The following SASH1 variants were observed in gnomAD, a reference collection of about 807,000 sequenced individuals.
SASH1 encodes the protein SAM and SH3 domain containing 1.
SASH1 carries 44 observed loss-of-function variants against 125.2 expected under a neutral mutation model. That is an observed-to-expected ratio of 0.35 (90% CI 0.28 to 0.45). SASH1 has a LOEUF of 0.45. Among genes scored for constraint, SASH1 ranks in the 20% least tolerant of loss-of-function variants. The pLI is 1.00. For missense variants in SASH1, 1,426 were observed against 1,614.5 expected (o/e 0.88, Z 2.00); for synonymous variants, 639 against 649.1 (o/e 0.98, Z 0.24).
chr6:148,331,967 T>A (rs1283822702), intron 1 of SASH1, among the ~76,000 whole-genome samples: 1 of 152,118 alleles, frequency 6.6e-6, no homozygotes, highest in Admixed American at 6.5e-5. Context: ...TACAGGTGTG[T>A]TCCCCCCTGC....
At chr6:148,415,479 C>T (rs1784787244) in intron 2 of SASH1, among the ~76,000 whole-genome samples, 1 of 152,074 alleles carries the variant, frequency 6.6e-6, no homozygotes, top group Admixed American at 6.5e-5. Flanking sequence ...AGGAAATATA[C>T]ATAAATTAAT....
At chr6:148,285,269 A>G (rs754181537) in intron 1 of SASH1, among the ~76,000 whole-genome samples, 2 of 152,176 alleles carry the variant, frequency 1.3e-5, no homozygotes, top group East Asian at 1.9e-4. Context: ...CTGGAGTCCA[A>G]CCTCCAATAC....
intron 2 of SASH1, among the ~76,000 whole-genome samples, chr6:148,433,411 T>TC (rs1188009755): frequency 1.6e-4 from 23 of 141,316 alleles, no homozygotes; most frequent in African/African-American, 6.5e-4. Flanking sequence ...TTTTTCTTTT[T>TC]TTTTTTTTTT....
In SASH1 at chr6:148,298,667, G is replaced by GAGGAAGGA. The variant is rs71031057; in HGVS notation, n.74+26329_74+26336dup. On this transcript the variant is annotated intron_variant and non_coding_transcript_variant, in intron 1 of 3. Coordinates refer to the SASH1 transcript ENST00000367469. ...GAAGGAAGGGAGGGAGGGAGGGAGGGAGGAAGGAAGGAAGGAAGGAAGGAA... is the reference window on the plus strand; with the variant it reads ...GAAGGAAGGGAGGGAGGGAGGGAGGGAGGAAGGAAGGAAGGAAGGAAGGAAGGAAGGAA... 8.2e-3 allele frequency among the ~76,000 whole-genome samples: 456 copies of GAGGAAGGA among 55,702 alleles called. 13 individuals are homozygous for GAGGAAGGA. Among genetic ancestry groups the GAGGAAGGA allele is most frequent in the Middle Eastern group, 0.045 (3 of 66 alleles). The allele number at this position is 55,702 out of a possible 152,430, so 36.5% of individuals were successfully genotyped here. A position where few individuals can be genotyped will look rare whatever the true frequency, so the allele number is the denominator to read the frequency against.
chr6:148,358,775 A>G (rs1583017488), intron 1 of SASH1, among the ~76,000 whole-genome samples: 1 of 125,026 alleles, frequency 8.0e-6, no homozygotes, highest in Non-Finnish European at 1.6e-5. Flanking sequence ...TCCCTTCATC[A>G]CCGAGGCTGG....
chr6:148,301,963 A>G (rs1038632082), intron 1 of SASH1, among the ~76,000 whole-genome samples: 5 of 151,884 alleles, frequency 3.3e-5, no homozygotes, highest in African/African-American at 1.2e-4. Flanking sequence ...ACTGTGCTAA[A>G]TAATTTTCAT....
upstream of SASH1, among the ~76,000 whole-genome samples, chr6:148,270,148 G>A (rs76751384): frequency 0.041 from 6,183 of 152,288 alleles, 194 homozygotes; most frequent in East Asian, 0.17. Context: ...AGACCTTCCT[G>A]GTATAGACAA....
intron 1 of SASH1, among the ~76,000 whole-genome samples, chr6:148,327,939 T>TCAAAA (rs1554235653): frequency 8.2e-6 from 1 of 121,284 alleles, no homozygotes. Context: ...AGACTCTGTC[T>TCAAAA]AAAAAAAAAA....
chr6:148,362,709 G>T (rs1474542828), intron 1 of SASH1, among the ~76,000 whole-genome samples: 1 of 152,040 alleles, frequency 6.6e-6, no homozygotes, highest in African/African-American at 2.4e-5. Context: ...TTAGTCAGGT[G>T]TGGTGGCGTG....
chr6:148,421,153 G>GGAAGGAAGGAAGA (rs1562396412), intron 2 of SASH1, among the ~76,000 whole-genome samples: 21 of 81,070 alleles, frequency 2.6e-4, no homozygotes, highest in South Asian at 7.9e-4. Flanking sequence ...AAGGAAGAAA[G>GGAAGGAAGGAAGA]AAAGAAAGAA....
intron 1 of SASH1, among the ~76,000 whole-genome samples, chr6:148,295,904 A>C (rs1048057879): frequency 1.3e-5 from 2 of 152,202 alleles, no homozygotes; most frequent in African/African-American, 4.8e-5. Context: ...ATATTCTGAC[A>C]GTCTGTATTC....
intron 2 of SASH1, among the ~76,000 whole-genome samples, chr6:148,420,779 T>G (rs934336357): frequency 3.3e-5 from 5 of 152,090 alleles, no homozygotes; most frequent in African/African-American, 1.2e-4. Context: ...TTCCAATTTT[T>G]TGTTATGATA....
rs1781647382 is a variant in SASH1, at chr6:148,533,536, A to AGGGGCT, written c.1735-233_1735-228dup. Among the ~76,000 whole-genome samples, 1 of 151,974 alleles carries AGGGGCT rather than the reference A, an allele frequency of 6.6e-6. No homozygotes were observed. Among genetic ancestry groups the AGGGGCT allele is most frequent in the Non-Finnish European group, 1.5e-5 (1 of 67,984 alleles). On this transcript the variant is annotated intron_variant, in intron 14 of 19. Transcript: ENST00000367467. This position sits in a 1 kb window ranked among gnomAD's most constrained non-coding sequence, Gnocchi z 6.2. ...CTGGTTCTGCAGGGCAGGAGGGTGG[A>AGGGGCT]GGGGCTGTGACCGGGGGCCTGCGTG...
At chr6:148,517,382 G>T (rs529586764) in intron 9 of SASH1, among the ~76,000 whole-genome samples, 62 of 152,288 alleles carry the variant, frequency 4.1e-4, no homozygotes, top group African/African-American at 1.1e-3. Flanking sequence ...TGGTAAGCCG[G>T]TCTCAGCTGA....
intron 2 of SASH1, among the ~76,000 whole-genome samples, chr6:148,439,256 T>G (rs918003866): frequency 5.3e-5 from 8 of 152,228 alleles, no homozygotes; most frequent in Admixed American, 3.9e-4. Flanking sequence ...TCTCACAATT[T>G]AATGATATTT....
the SASH1 span, among the ~76,000 whole-genome samples, chr6:148,249,085 T>C: frequency 6.6e-6 from 1 of 152,180 alleles, no homozygotes; most frequent in East Asian, 1.9e-4. Flanking sequence ...AATGAATGAA[T>C]GAATGAATGA....
the SASH1 span, among the ~76,000 whole-genome samples, chr6:148,236,527 A>C: frequency 2.0e-5 from 3 of 152,048 alleles, no homozygotes; most frequent in African/African-American, 7.2e-5. Flanking sequence ...CAGTTTATTA[A>C]ATTAATTTAA....
intron 7 of SASH1, among the ~76,000 whole-genome samples, chr6:148,484,186 T>C (rs544752356): frequency 2.6e-5 from 4 of 152,330 alleles, no homozygotes; most frequent in Admixed American, 2.6e-4. Flanking sequence ...TGGAACATTA[T>C]GATATATCTC....
chr6:148,318,199 T>C (rs1051489577), intron 1 of SASH1, among the ~76,000 whole-genome samples: 3 of 152,178 alleles, frequency 2.0e-5, no homozygotes, highest in Admixed American at 6.5e-5. Context: ...TGAATTTGTC[T>C]CCATGAATGC....
Sources: allele counts gnomAD v4.1 joint callset (sites outside exome capture counted in the v4.1 genomes callset), GRCh38; gene constraint gnomAD v4.1.1; non-coding constraint Gnocchi (gnomAD v3.1); transcripts MANE v1.5; gene names NCBI Gene and HGNC (gene_info 2026-07-23, HGNC 2026-07-21).